BCL2L13: variants seen among roughly 807,000 people sequenced by gnomAD.
BCL2L13 encodes BCL2 like 13.
BCL2L13 carries 13 observed loss-of-function variants against 25.8 expected under a neutral mutation model. That is an observed-to-expected ratio of 0.50 (90% CI 0.33 to 0.80). The LOEUF is 0.80. Among genes scored for constraint, BCL2L13 ranks in the 30% least tolerant of loss-of-function variants. The pLI is 0.02. For synonymous variants in BCL2L13, 244 were observed against 230.3 expected, an observed-to-expected ratio of 1.06 and a Z score of -0.54; for missense variants, 504 against 574.9, an observed-to-expected ratio of 0.88 and a Z score of 1.26.
chr22:17,661,926 G>T lies in BCL2L13; in HGVS notation c.121+6094G>T, dbSNP rs1474401608. Among the ~76,000 whole-genome samples, 5 of 151,776 alleles carry T rather than the reference G, an allele frequency of 3.3e-5. No homozygotes were observed. In the East Asian group the frequency reaches 9.7e-4, roughly 29 times the overall value. On this transcript the variant is annotated intron_variant, in intron 2 of 6. Coordinates refer to ENST00000317582, the MANE Select transcript of BCL2L13 (RefSeq NM_015367.4). ...GAATCTCTTGAACCCGGGAGGTGGA[G>T]GTTGTGGTGAGCCAAAATTGCACCA...
intron 2 of BCL2L13, among the ~76,000 whole-genome samples, chr22:17,674,877 A>T (rs572029831): frequency 4.4e-5 from 2 of 45,156 alleles, no homozygotes; most frequent in African/African-American, 2.2e-4. Flanking sequence ...CATATAATTT[A>T]ATGTGGCTTA....
chr22:17,710,041 G>C (rs1193282976), intron 6 of BCL2L13, among the ~76,000 whole-genome samples: 1 of 125,998 alleles, frequency 7.9e-6, no homozygotes, highest in Admixed American at 9.9e-5. Flanking sequence ...CTGACCTCCA[G>C]CCTGGGTAAC....
chr22:17,685,381 A>T (rs1000114120), intron 3 of BCL2L13, among the ~76,000 whole-genome samples: 2 of 151,110 alleles, frequency 1.3e-5, no homozygotes, highest in African/African-American at 4.9e-5. Context: ...ACCCACCACC[A>T]CGCCCAGCTA....
intron 1 of BCL2L13, among the ~76,000 whole-genome samples, chr22:17,649,355 C>T (rs985167259): frequency 3.9e-5 from 6 of 152,102 alleles, no homozygotes; most frequent in Non-Finnish European, 5.9e-5. Context: ...CCTCGGCCTC[C>T]CAAAGTGTTG....
chr22:17,693,522 G>A (rs891866126), intron 4 of BCL2L13, among the ~76,000 whole-genome samples: 1 of 151,814 alleles, frequency 6.6e-6, no homozygotes, highest in African/African-American at 2.4e-5. Context: ...TGGGATTACA[G>A]GCATGCGCCA....
intron 2 of BCL2L13, among the ~76,000 whole-genome samples, chr22:17,666,343 T>C (rs1026199803): frequency 6.6e-6 from 1 of 152,102 alleles, no homozygotes; most frequent in African/African-American, 2.4e-5. Flanking sequence ...CCCTCAACAT[T>C]TATCCTTTGA....
chr22:17,660,564 A>C (rs1391122119), intron 2 of BCL2L13, among the ~76,000 whole-genome samples: 1 of 143,374 alleles, frequency 7.0e-6, no homozygotes, highest in Admixed American at 7.1e-5. Context: ...AAGTACTCGA[A>C]CAGGCCCGCG....
upstream of BCL2L13, among the ~76,000 whole-genome samples, chr22:17,637,655 G>A (rs1198655944): frequency 6.6e-6 from 1 of 151,994 alleles, no homozygotes; most frequent in Admixed American, 6.6e-5. Context: ...TGGGATTACA[G>A]GAGTGATCCA....
In BCL2L13 at chr22:17,670,119, G is replaced by T. The variant is rs556489254; in HGVS notation, c.122-13095G>T. ...TTTCCCTTCTCAATTCAATTCCATTGGTCTGTATACCTGTTGTTATACCAT... is the reference window on the plus strand; with the variant it reads ...TTTCCCTTCTCAATTCAATTCCATTTGTCTGTATACCTGTTGTTATACCAT... On this transcript the variant is annotated intron_variant, in intron 2 of 6. Coordinates refer to ENST00000317582, the MANE Select transcript of BCL2L13 (RefSeq NM_015367.4). 4.6e-5 allele frequency among the ~76,000 whole-genome samples: 7 copies of T among 152,028 alleles called. No homozygotes were observed. In the South Asian group the frequency reaches 1.5e-3, roughly 32 times the overall value.
intron 2 of BCL2L13, among the ~76,000 whole-genome samples, chr22:17,676,237 G>A (rs1328282254): frequency 6.6e-6 from 1 of 152,098 alleles, no homozygotes; most frequent in African/African-American, 2.4e-5. Flanking sequence ...TGAGGCAGGC[G>A]GATCACTTCA....
chr22:17,668,679 C>A (rs2059316039), intron 2 of BCL2L13, among the ~76,000 whole-genome samples: 2 of 151,986 alleles, frequency 1.3e-5, no homozygotes, highest in Non-Finnish European at 2.9e-5. Context: ...GTTGGCCAGG[C>A]TGGTCTCGAA....
chr22:17,641,876 T>C (rs192804068), intron 1 of BCL2L13, among the ~76,000 whole-genome samples: 21 of 144,358 alleles, frequency 1.5e-4, no homozygotes, highest in Non-Finnish European at 2.7e-4. Flanking sequence ...CTCGACTCAC[T>C]GCAAGCTCCG....
chr22:17,727,393 C>T lies in BCL2L13; in HGVS notation c.1317C>T (p.Gly439=). The T allele has an allele frequency of 6.2e-7, 1 of 1,614,218 alleles. No homozygotes were observed. Among genetic ancestry groups the T allele is most frequent in the Non-Finnish European group, 8.5e-7 (1 of 1,180,036 alleles). The part of the protein sequence containing the change: ...SEKKPVPPSE[G]KSRLSPAGEM... ...AGAAGCCCGTGCCGCCGTCTGAGGG[C>T]AAGTCTAGACTGTCCCCCGCCGGTG... Residue 439 remains glycine (G), a synonymous_variant, in exon 7 of 7, where the codon GGC becomes GGT. Transcript: ENST00000317582.
intron 2 of BCL2L13, among the ~76,000 whole-genome samples, chr22:17,671,539 C>T (rs962332857): frequency 2.1e-4 from 31 of 149,414 alleles, no homozygotes; most frequent in African/African-American, 6.7e-4. Flanking sequence ...GCACTCCATT[C>T]TGGGCAACAG....
At chr22:17,709,392 C>T (rs947759303) in intron 6 of BCL2L13, among the ~76,000 whole-genome samples, 3 of 151,936 alleles carry the variant, frequency 2.0e-5, no homozygotes, top group East Asian at 1.9e-4. Flanking sequence ...GTCCGGAGTT[C>T]GAGACCAGCC....
At chr22:17,720,680 T>C (rs2145816712) in intron 6 of BCL2L13, among the ~76,000 whole-genome samples, 1 of 151,662 alleles carries the variant, frequency 6.6e-6, no homozygotes, top group Admixed American at 6.6e-5. Context: ...TTTTTTTTTT[T>C]TTTTAGAGGC....
chr22:17,655,956 G>A lies in BCL2L13; in HGVS notation c.121+124G>A, dbSNP rs2058840585. On this transcript the variant is annotated intron_variant, in intron 2 of 6. Coordinates refer to ENST00000317582, the MANE Select transcript of BCL2L13 (RefSeq NM_015367.4). ...ACTAATAAGCCTGTAAGAATAACCT[G>A]TTAGGGCTGGGCGCGGTGGCTCACA... 4.8e-6 allele frequency: 5 copies of A among 1,034,374 alleles called. No homozygotes were observed. In the South Asian group the frequency reaches 6.6e-5, roughly 14 times the overall value. 64.1% of individuals were successfully genotyped at this position (1,034,374 alleles called of 1,614,324 possible). A position where few individuals can be genotyped will look rare whatever the true frequency, so the allele number is the denominator to read the frequency against.
At chr22:17,715,838 C>T (rs1357549800) in intron 6 of BCL2L13, among the ~76,000 whole-genome samples, 1 of 152,058 alleles carries the variant, frequency 6.6e-6, no homozygotes, top group East Asian at 1.9e-4. Flanking sequence ...TGACCTTGGA[C>T]AACAAAGACA....
intron 1 of BCL2L13, among the ~76,000 whole-genome samples, chr22:17,639,616 C>T (rs2058196001): frequency 6.6e-6 from 1 of 152,212 alleles, no homozygotes; most frequent in African/African-American, 2.4e-5. Flanking sequence ...CCACTCCCTG[C>T]ACAAGTGTTT....
Sources: gnomAD v4.1 joint callset for allele counts (sites outside exome capture counted in the v4.1 genomes callset) on GRCh38, gnomAD v4.1.1 for gene constraint, MANE v1.5 for transcripts, NCBI Gene and HGNC (gene_info 2026-07-23, HGNC 2026-07-21) for gene names.